The following MYOF variants were observed in gnomAD, a reference collection of about 807,000 sequenced individuals.
MYOF encodes the protein fer-1-like 3, myoferlin.
A neutral mutation model predicts 284.2 loss-of-function variants in MYOF; 244 were observed. The observed-to-expected ratio is 0.86, with a 90% CI of 0.77 to 0.95. The LOEUF is 0.95. MYOF is among the 40% of genes least tolerant of loss of function. The pLI is 0.00. For synonymous variants in MYOF, 904 were observed against 919.7 expected, an observed-to-expected ratio of 0.98 and a Z score of 0.31; for missense variants, 2,496 against 2,560.6, an observed-to-expected ratio of 0.97 and a Z score of 0.54.
At chr10:93,468,084 A>G (rs2057053272) in intron 1 of MYOF, among the ~76,000 whole-genome samples, 1 of 152,190 alleles carries the variant, frequency 6.6e-6, no homozygotes. Flanking sequence ...GTTACCTATT[A>G]TTATTATGAT....
Position 93,380,077 on chromosome 10 carries a change from T to TC in MYOF, c.1877-91_1877-90insG, listed in dbSNP as rs1412169573. 6 of 1,494,142 alleles carry TC rather than the reference T, an allele frequency of 4.0e-6. No homozygotes were observed. The Admixed American group carries it at 1.1e-4, about 27-fold the overall frequency. The allele number at this position is 1,494,142 out of a possible 1,614,324, so 92.6% of individuals were successfully genotyped here. A position where few individuals can be genotyped will look rare whatever the true frequency, so the allele number is the denominator to read the frequency against. ...GAGATGTGCAGACTGAGCTGCTGAT[T>TC]AATCCACAGGCTTGGGGAATAGCTT... On this transcript the variant is annotated intron_variant, in intron 20 of 53. Transcript: ENST00000359263.
chr10:93,313,644 T>G (rs1842488839), intron 50 of MYOF, among the ~76,000 whole-genome samples: 1 of 152,032 alleles, frequency 6.6e-6, no homozygotes, highest in Non-Finnish European at 1.5e-5. Context: ...CTCACGGCTG[T>G]AATCCTAGCA....
At chr10:93,442,763 A>T (rs1351451295) in intron 3 of MYOF, among the ~76,000 whole-genome samples, 1 of 152,182 alleles carries the variant, frequency 6.6e-6, no homozygotes, top group Non-Finnish European at 1.5e-5. Flanking sequence ...AGACATTGTA[A>T]TTGTCATCTC....
At chr10:93,318,367 G>A (rs1421294980) in intron 49 of MYOF, among the ~76,000 whole-genome samples, 1 of 152,152 alleles carries the variant, frequency 6.6e-6, no homozygotes, top group Non-Finnish European at 1.5e-5. Context: ...GCTGCAGTGA[G>A]CTGTGAGTGC....
At chr10:93,368,584 A>G (rs2133953636) in intron 25 of MYOF, among the ~76,000 whole-genome samples, 1 of 152,374 alleles carries the variant, frequency 6.6e-6, no homozygotes, top group Admixed American at 6.5e-5. Flanking sequence ...GGAGGGATGG[A>G]GGAATGAATG....
chr10:93,479,628 G>A (rs573844854), intron 1 of MYOF, among the ~76,000 whole-genome samples: 8 of 152,248 alleles, frequency 5.3e-5, no homozygotes, highest in African/African-American at 1.9e-4. Context: ...TCTAAAAGAC[G>A]GAAGGCATCT....
At position 93,340,176 on chromosome 10, in the gene MYOF, CAT is replaced by C; in HGVS notation, c.4327-14_4327-13del. The C allele has an allele frequency of 6.2e-7, 1 of 1,613,966 alleles. No homozygotes were observed. The highest frequency in any genetic ancestry group is 8.5e-7 in the Non-Finnish European group (1 of 1,179,914). On this transcript the variant is annotated splice_polypyrimidine_tract_variant and intron_variant, in intron 38 of 53. Transcript: ENST00000359263. ...ACCTTTTCTGTCAGCTGCTCGTGCA[CAT>C]GTCCCGTGAGGAAGAGGGCAAACCA...
In MYOF at chr10:93,332,891, A is replaced by AT. The variant is rs1180575118; in HGVS notation, c.4811+329dup. Among the ~76,000 whole-genome samples the AT allele has an allele frequency of 1.1e-4, 16 of 152,112 alleles. No homozygotes were observed. The South Asian group carries it at 2.7e-3, about 26-fold the overall frequency. ...AATAATAGCACCTCAGAGTTGCGAG[A>AT]TTTTTTTGAGATGTTTTATATAAAC... On this transcript the variant is annotated intron_variant, in intron 43 of 53. Coordinates refer to ENST00000359263, the MANE Select transcript of MYOF (RefSeq NM_013451.4).
At chr10:93,331,274 C>A (rs563486638) in intron 43 of MYOF, among the ~76,000 whole-genome samples, 2 of 152,236 alleles carry the variant, frequency 1.3e-5, no homozygotes, top group African/African-American at 2.4e-5. Flanking sequence ...AAAGCTACCC[C>A]CTAAGACTGA....
At chr10:93,373,843 T>A (rs754977808) in intron 23 of MYOF, among the ~76,000 whole-genome samples, 1 of 152,224 alleles carries the variant, frequency 6.6e-6, no homozygotes, top group South Asian at 2.1e-4. Flanking sequence ...TGCCCTCAAC[T>A]GTGCTAAGCC....
intron 27 of MYOF, among the ~76,000 whole-genome samples, chr10:93,363,531 T>C (rs1845175732): frequency 6.6e-6 from 1 of 152,136 alleles, no homozygotes; most frequent in African/African-American, 2.4e-5. Context: ...TCCAGCATGG[T>C]GGCATGTGCC....
intron 24 of MYOF, 77 bp from the exon 25 acceptor site, chr10:93,369,853 G>C (rs751035416): frequency 3.4e-5 from 53 of 1,555,754 alleles, no homozygotes; most frequent in Non-Finnish European, 4.2e-5. Context: ...GCCAAAAACA[G>C]AGGGAACATC....
Position 93,328,795 on chromosome 10 carries a change from T to TATCTGATTCTACTCCC in MYOF, c.5083_5098dup (p.Tyr1700TrpfsTer3). On this transcript the variant is annotated stop_gained and frameshift_variant, in exon 45 of 54. Transcript: ENST00000359263. LOFTEE classifies it high-confidence loss of function. ...ATCCAAGCTGTAGTCTCGTCCTCCATATCTGATTCTACTCCCATCTTCGGA... is the reference window on the plus strand; with the variant it reads ...ATCCAAGCTGTAGTCTCGTCCTCCATATCTGATTCTACTCCCATCTGATTCTACTCCCATCTTCGGA... 1 of 1,613,594 alleles carries TATCTGATTCTACTCCC rather than the reference T, an allele frequency of 6.2e-7. No homozygotes were observed. The highest frequency in any genetic ancestry group is 8.5e-7 in the Non-Finnish European group (1 of 1,179,542).
At chr10:93,358,809 C>A (rs575667635) in intron 29 of MYOF, among the ~76,000 whole-genome samples, 49 of 152,058 alleles carry the variant, frequency 3.2e-4, no homozygotes, top group African/African-American at 1.2e-3. Context: ...GTGGAGGGAG[C>A]GCATCAGGAT....
chr10:93,438,154 C>T (rs1444717192), intron 3 of MYOF, among the ~76,000 whole-genome samples: 1 of 152,144 alleles, frequency 6.6e-6, no homozygotes, highest in Non-Finnish European at 1.5e-5. Context: ...CAGAATCCCC[C>T]TGACTGTGAC....
chr10:93,396,228 T>G lies in MYOF; in HGVS notation c.1335-4A>C. 6.4e-7 allele frequency: 1 copy of G among 1,573,040 alleles called. No individual in the cohort carries two copies. Among genetic ancestry groups the G allele is most frequent in the Non-Finnish European group, 8.6e-7 (1 of 1,159,760 alleles). On this transcript the variant is annotated splice_region_variant and splice_polypyrimidine_tract_variant and intron_variant, in intron 15 of 53. Transcript: ENST00000359263. The stretch of plus-strand genomic sequence containing the variant: ...ATCATTTTTAGTAAGACGGTCCCTG[T>G]GTAAAAAATAAAAATAAAAAAATAA...
intron 1 of MYOF, among the ~76,000 whole-genome samples, chr10:93,463,695 C>T (rs1453175227): frequency 6.6e-6 from 1 of 151,738 alleles, no homozygotes; most frequent in Non-Finnish European, 1.5e-5. Context: ...GCACCACACC[C>T]GGCCCATCTC....
At chr10:93,380,638 A>C (rs1225081514) in intron 20 of MYOF, among the ~76,000 whole-genome samples, 1 of 152,126 alleles carries the variant, frequency 6.6e-6, no homozygotes, top group African/African-American at 2.4e-5. Context: ...TTCTATTATG[A>C]TTTATTTTAT....
In MYOF at chr10:93,310,622, C is replaced by T; in HGVS notation, c.5911G>A (p.Glu1971Lys). The change falls in exon 52 of 54, where the codon GAA becomes AAA. Residue 1971 changes from glutamate to lysine, a missense_variant. This residue lies in a region of MYOF where 2,436 missense variants were observed against 2,480.7 expected (regional missense o/e 0.98). Transcript: ENST00000359263. ...TCGGCCTCCTTCTCGTTGAGGATTT[C>T]CAATGTCATCTCCACTTTCCCCTTC... Reference protein sequence around the residue: ...VMAGKVEMTLEILNEKEADER... With the variant: ...VMAGKVEMTLKILNEKEADER... The T allele has an allele frequency of 6.2e-7, 1 of 1,614,178 alleles. No homozygotes were observed. Among genetic ancestry groups the T allele is most frequent in the Non-Finnish European group, 8.5e-7 (1 of 1,180,030 alleles).
Sources: gnomAD v4.1 joint callset for allele counts (sites outside exome capture counted in the v4.1 genomes callset) on GRCh38, gnomAD v4.1.1 for gene constraint, gnomAD v4.1.1 regional missense constraint, MANE v1.5 for transcripts, NCBI Gene and HGNC (gene_info 2026-07-23, HGNC 2026-07-21) for gene names.